Variants in HNRNPLL observed in about 807,000 individuals in gnomAD.
HNRNPLL encodes heterogeneous nuclear ribonucleoprotein L-like.
Under a neutral mutation model 67.1 loss-of-function variants are expected in HNRNPLL, and 25 were observed. That is an observed-to-expected ratio of 0.37 (90% CI 0.27 to 0.52). HNRNPLL has a LOEUF of 0.52. Among genes scored for constraint, HNRNPLL ranks in the 20% least tolerant of loss-of-function variants. The probability of loss-of-function intolerance (pLI) is 0.90; values close to 1 mark genes in which losing one functional copy is unlikely to be tolerated. For missense variants in HNRNPLL, 542 were observed against 673.9 expected (o/e 0.80, Z 2.17); for synonymous variants, 267 against 241.7 (o/e 1.10, Z -0.97).
chr2:38,584,384 C>A (rs1187087828), intron 3 of HNRNPLL, among the ~76,000 whole-genome samples: 1 of 152,134 alleles, frequency 6.6e-6, no homozygotes, highest in East Asian at 1.9e-4. Flanking sequence ...TTTAATAAAT[C>A]TTAAGGTATT....
intron 1 of HNRNPLL, among the ~76,000 whole-genome samples, chr2:38,596,069 T>TAA (rs563564457): frequency 1.4e-5 from 2 of 143,798 alleles, no homozygotes; most frequent in Admixed American, 7.0e-5. Context: ...TCTGTAGTGA[T>TAA]AAAAAAAAAA....
At chr2:38,576,701 C>T (rs374122097) in intron 7 of HNRNPLL, among the ~76,000 whole-genome samples, 2 of 151,806 alleles carry the variant, frequency 1.3e-5, no homozygotes, top group East Asian at 3.8e-4. Context: ...TTTCGGTGAC[C>T]AATCCCAAGA....
chr2:38,599,399 T>G (rs1330478228), intron 1 of HNRNPLL, among the ~76,000 whole-genome samples: 1 of 152,224 alleles, frequency 6.6e-6, no homozygotes, highest in African/African-American at 2.4e-5. Flanking sequence ...TCAAGCTGCC[T>G]TCTTAAAAGA....
At chr2:38,564,418 G>T (rs527983947) in intron 12 of HNRNPLL, among the ~76,000 whole-genome samples, 181 bp from the exon 13 acceptor site, 2 of 151,656 alleles carry the variant, frequency 1.3e-5, no homozygotes, top group Non-Finnish European at 2.9e-5. Flanking sequence ...TCAGGAGTTC[G>T]AGACCAGCCT....
In HNRNPLL at chr2:38,568,823, G is replaced by C. The variant is rs147386648; in HGVS notation, c.1416+310C>G. Among the ~76,000 whole-genome samples, 66 of 152,174 alleles carry C rather than the reference G, an allele frequency of 4.3e-4. 4 individuals are homozygous for C. In the East Asian group the frequency reaches 0.013, roughly 29 times the overall value. On this transcript the variant is annotated intron_variant, in intron 10 of 12. Coordinates refer to ENST00000449105, the MANE Select transcript of HNRNPLL (RefSeq NM_138394.4). ...AGTTAGGGGAAACAATATGGATAGA[G>C]AAAATTTTGTTATGGGTGAGATTTA... is the stretch of plus-strand genomic sequence containing the variant.
intron 8 of HNRNPLL, among the ~76,000 whole-genome samples, chr2:38,571,035 A>G (rs78518829): frequency 0.017 from 2,583 of 152,234 alleles, 39 homozygotes; most frequent in Non-Finnish European, 0.028. Flanking sequence ...ATAGAACAAG[A>G]CCTTGTCTCA....
At chr2:38,568,087 T>A in intron 12 of HNRNPLL, 112 bp downstream of exon 12, 1 of 655,696 alleles carries the variant, frequency 1.5e-6, no homozygotes, top group South Asian at 2.1e-5. Flanking sequence ...TTTTTGTATT[T>A]ATCTGTATTT....
At chr2:38,565,220 T>G (rs1238399019) in intron 12 of HNRNPLL, among the ~76,000 whole-genome samples, 2 of 152,138 alleles carry the variant, frequency 1.3e-5, no homozygotes, top group African/African-American at 4.8e-5. Flanking sequence ...GAAAAGCATA[T>G]GCATCAACAA....
chr2:38,587,885 T>C (rs1025317056), intron 2 of HNRNPLL, among the ~76,000 whole-genome samples: 2 of 152,174 alleles, frequency 1.3e-5, no homozygotes, highest in Non-Finnish European at 2.9e-5. Context: ...ACTATCCCCC[T>C]AGCGCTGTCT....
intron 1 of HNRNPLL, among the ~76,000 whole-genome samples, chr2:38,595,812 C>G (rs185008223): frequency 3.1e-4 from 47 of 152,260 alleles, no homozygotes; most frequent in African/African-American, 1.1e-3. Flanking sequence ...CCACTGCACT[C>G]CAGCCTGGGC....
chr2:38,583,167 A>T (rs115817054), intron 4 of HNRNPLL, among the ~76,000 whole-genome samples: 2,558 of 152,266 alleles, frequency 0.017, 65 homozygotes, highest in African/African-American at 0.059. Flanking sequence ...ATCAGTTTTT[A>T]AAAAAATTAC....
intron 1 of HNRNPLL, among the ~76,000 whole-genome samples, chr2:38,597,131 GAAGAA>G (rs1224297649): frequency 1.3e-5 from 2 of 152,184 alleles, no homozygotes; most frequent in Non-Finnish European, 2.9e-5. Flanking sequence ...CTACTGAAGA[GAAGAA>G]AAGCTCAGTA....
intron 4 of HNRNPLL, 47 bp downstream of exon 4, chr2:38,583,794 G>A: frequency 2.3e-6 from 2 of 876,694 alleles, no homozygotes; most frequent in Non-Finnish European, 3.6e-6. Flanking sequence ...GAAAAAATAA[G>A]ATCCGTATGA....
rs757090547 is a variant in HNRNPLL, at chr2:38,569,115, T to G, written c.1416+18A>C. On this transcript the variant is annotated intron_variant, in intron 10 of 12. Coordinates refer to ENST00000449105, the MANE Select transcript of HNRNPLL (RefSeq NM_138394.4). ...GGAAATAGCAACATTCTATACACAT[T>G]TGTATTTCAGTGCCTACCTTTGTGA... 4.6e-6 allele frequency: 7 copies of G among 1,520,174 alleles called. No homozygotes were observed. The Admixed American group carries it at 1.0e-4, about 22-fold the overall frequency. 94.2% of individuals were successfully genotyped at this position (1,520,174 alleles called of 1,614,324 possible).
At chr2:38,573,573 A>C (rs1183745196) in intron 7 of HNRNPLL, 146 bp from the exon 8 acceptor site, 4 of 611,698 alleles carry the variant, frequency 6.5e-6, no homozygotes, top group Admixed American at 3.2e-5. Context: ...AAATGTATGA[A>C]TATTTCAGTA....
At chr2:38,565,851 A>G (rs2148332499) in intron 12 of HNRNPLL, 1 of 186,772 alleles carries the variant, frequency 5.4e-6, no homozygotes, top group South Asian at 1.8e-4. Flanking sequence ...ACCCAGCTTC[A>G]ATAATTGTCA....
At chr2:38,568,541 C>T (rs1046508225) in intron 10 of HNRNPLL, 98 bp from the exon 11 acceptor site, 103 of 723,042 alleles carry the variant, frequency 1.4e-4, no homozygotes, top group Non-Finnish European at 1.2e-4. Flanking sequence ...AGTTTTAATT[C>T]TCAAATGAAT....
chr2:38,601,214 G>A (rs1282546456), intron 1 of HNRNPLL, among the ~76,000 whole-genome samples: 2 of 152,158 alleles, frequency 1.3e-5, no homozygotes, highest in African/African-American at 2.4e-5. Flanking sequence ...AAGACTGAGA[G>A]AAAAAGTTCC....
At chr2:38,588,153 T>G (rs1277642680) in intron 2 of HNRNPLL, among the ~76,000 whole-genome samples, 1 of 152,186 alleles carries the variant, frequency 6.6e-6, no homozygotes, top group East Asian at 1.9e-4. Context: ...AAATACGTCT[T>G]TATAGCAATA....
Sources: gnomAD v4.1 joint callset for allele counts (sites outside exome capture counted in the v4.1 genomes callset) on GRCh38, gnomAD v4.1.1 for gene constraint, MANE v1.5 for transcripts, NCBI Gene and HGNC (gene_info 2026-07-23, HGNC 2026-07-21) for gene names.